The following ACOT12 variants were observed in gnomAD, a reference collection of about 807,000 sequenced individuals.
ACOT12 encodes the protein acyl-CoA thioesterase 12, also known as acetyl-coenzyme A thioesterase.
A neutral mutation model predicts 67.7 loss-of-function variants in ACOT12; 51 were observed. The ratio of observed to expected loss-of-function variants is 0.75; its 90% CI spans 0.60 to 0.95. The LOEUF is 0.95. Among genes scored for constraint, ACOT12 ranks in the 40% least tolerant of loss-of-function variants. The pLI is 0.00. For synonymous variants in ACOT12, 251 were observed against 244.6 expected (o/e 1.03, Z -0.24); for missense variants, 734 against 708.1 (o/e 1.04, Z -0.41).
intron 2 of ACOT12, among the ~76,000 whole-genome samples, chr5:81,379,710 T>G (rs1760524918): frequency 6.6e-6 from 1 of 152,160 alleles, no homozygotes; most frequent in Admixed American, 6.5e-5. Context: ...GGTAAATAAT[T>G]GCAATTCATA....
chr5:81,386,995 A>ATTTTTTTTTTTTTTTTTTTTTTTTT (rs869281800), intron 1 of ACOT12, among the ~76,000 whole-genome samples: 1 of 81,334 alleles, frequency 1.2e-5, no homozygotes, highest in South Asian at 3.5e-4. Flanking sequence ...GATGAGTTCC[A>ATTTTTTTTTTTTTTTTTTTTTTTTT]TTTTTTTTTT....
intron 2 of ACOT12, among the ~76,000 whole-genome samples, chr5:81,382,283 C>T (rs58066527): frequency 6.6e-6 from 1 of 152,108 alleles, no homozygotes; most frequent in African/African-American, 2.4e-5. Flanking sequence ...GTTGTGGTCT[C>T]TACTTCTCAT....
intron 8 of ACOT12, 31 bp downstream of exon 8, chr5:81,344,859 CG>C: frequency 6.2e-7 from 1 of 1,611,868 alleles, no homozygotes; most frequent in Non-Finnish European, 8.5e-7. Context: ...TTCACAGGTC[CG>C]GCTATTGAAC....
chr5:81,387,156 C>T (rs1019388186), intron 1 of ACOT12, among the ~76,000 whole-genome samples: 4 of 152,004 alleles, frequency 2.6e-5, no homozygotes, highest in Admixed American at 2.0e-4. Flanking sequence ...CAGGTGTGCA[C>T]CACCATGCCC....
downstream of ACOT12, among the ~76,000 whole-genome samples, chr5:81,329,166 A>G (rs1386447880): frequency 3.9e-5 from 6 of 152,176 alleles, no homozygotes; most frequent in Non-Finnish European, 8.8e-5. Flanking sequence ...ATTTCAAAAA[A>G]TGTAAACTCA....
intron 5 of ACOT12, among the ~76,000 whole-genome samples, chr5:81,359,609 C>T (rs1213642525): frequency 6.6e-6 from 1 of 152,162 alleles, no homozygotes; most frequent in African/African-American, 2.4e-5. Context: ...GTCATCAACC[C>T]TTCATTCAGC....
Position 81,376,894 on chromosome 5 carries a change from G to A in ACOT12, c.198-5084C>T, listed in dbSNP as rs149581843. Among the ~76,000 whole-genome samples the A allele has an allele frequency of 7.6e-3, 1,162 of 152,150 alleles. 15 individuals carry two copies. The highest frequency in any genetic ancestry group is 0.025 in the African/African-American group (1,043 of 41,518). ...TCCAGGCCCAGATGGATTCACAGCC[G>A]AATTATACCAGAGGTACAAAGAGGA... On this transcript the variant is annotated intron_variant, in intron 2 of 14. Transcript: ENST00000307624.
Position 81,330,283 on chromosome 5 carries a change from T to G in ACOT12, c.*111A>C. 1.6e-6 allele frequency: 2 copies of G among 1,258,486 alleles called. No individual in the cohort carries two copies. Among genetic ancestry groups the G allele is most frequent in the Non-Finnish European group, 2.1e-6 (2 of 930,452 alleles). 78.0% of individuals were successfully genotyped at this position (1,258,486 alleles called of 1,614,324 possible). On this transcript the variant is annotated 3_prime_UTR_variant, in exon 15 of 15. Coordinates refer to ENST00000307624, the MANE Select transcript of ACOT12 (RefSeq NM_130767.3). ...TTTTAACTCCGTCACTGCATTTTGC[T>G]TAGGGTTATATTAAATTATTTTGTG... is the stretch of plus-strand genomic sequence containing the variant.
intron 5 of ACOT12, among the ~76,000 whole-genome samples, chr5:81,359,317 T>C (rs76260246): frequency 0.018 from 2,797 of 152,236 alleles, 80 homozygotes; most frequent in African/African-American, 0.062. Context: ...GGCTCTGCCT[T>C]TCCCTACCAG....
chr5:81,336,085 T>C (rs1166400763), intron 11 of ACOT12, among the ~76,000 whole-genome samples, 184 bp from the exon 12 acceptor site: 1 of 152,176 alleles, frequency 6.6e-6, no homozygotes, highest in Non-Finnish European at 1.5e-5. Context: ...CTGTCCAGGA[T>C]GCTGTAGTCT....
chr5:81,333,557 T>G (rs1328606515), intron 12 of ACOT12, among the ~76,000 whole-genome samples: 3 of 152,224 alleles, frequency 2.0e-5, no homozygotes, highest in African/African-American at 7.2e-5. Context: ...CTCCCCAATT[T>G]GTTCAACTTC....
At position 81,363,484 on chromosome 5, in the gene ACOT12, C is replaced by A. The variant is rs10058788; in HGVS notation, c.360+304G>T. ...TGACCACAAATGAAAAGCACTAAACCAGTAGGCAGTATTTTAAAGAAACCA... is the reference window on the plus strand; with the variant it reads ...TGACCACAAATGAAAAGCACTAAACAAGTAGGCAGTATTTTAAAGAAACCA... On this transcript the variant is annotated intron_variant, in intron 4 of 14. Transcript: ENST00000307624. 2.3e-3 allele frequency among the ~76,000 whole-genome samples: 353 copies of A among 152,140 alleles called. 1 individual carries two copies. The highest frequency in any genetic ancestry group is 8.1e-3 in the African/African-American group (337 of 41,500).
At chr5:81,354,902 C>T in intron 5 of ACOT12, among the ~76,000 whole-genome samples, 1 of 152,046 alleles carries the variant, frequency 6.6e-6, no homozygotes, top group East Asian at 1.9e-4. Flanking sequence ...CAGGGTTTCA[C>T]CATGGTCTCG....
chr5:81,344,211 T>C lies in ACOT12; in HGVS notation c.929A>G (p.Asp310Gly). The C allele has an allele frequency of 1.2e-6, 2 of 1,612,816 alleles. No homozygotes were observed. The highest frequency in any genetic ancestry group is 1.7e-6 in the Non-Finnish European group (2 of 1,179,434). The part of the protein sequence containing the change: ...FPRIQPISKD[D>G]FRRYRGAIAR... ...AATAGCTCCCCGATAGCGTCTGAAA[T>C]CATCCTTTAATCAAAAACAAAGTAA... The change falls in exon 9 of 15, where the codon GAT becomes GGT. Residue 310 changes from aspartate (D) to glycine (G), a missense_variant. Transcript: ENST00000307624.
At chr5:81,355,293 TTTTG>T (rs1759678095) in intron 5 of ACOT12, among the ~76,000 whole-genome samples, 2 of 152,338 alleles carry the variant, frequency 1.3e-5, no homozygotes, top group South Asian at 2.1e-4. Flanking sequence ...ACAGTTCTCG[TTTTG>T]TTTATTATTT....
At chr5:81,359,224 CATT>C (rs1759823475) in intron 5 of ACOT12, among the ~76,000 whole-genome samples, 1 of 152,108 alleles carries the variant, frequency 6.6e-6, no homozygotes, top group African/African-American at 2.4e-5. Context: ...TCCCCTCCCT[CATT>C]GTGCTCTCCA....
chr5:81,360,053 G>A lies in ACOT12; in HGVS notation c.361-15C>T. ...TTTAAATGAATCTAGAGAAAGAAAA[G>A]CATTTATCTTTTATTGCCTTGTTAA... On this transcript the variant is annotated splice_polypyrimidine_tract_variant and intron_variant, in intron 4 of 14. Transcript: ENST00000307624. 1.3e-6 allele frequency: 2 copies of A among 1,589,640 alleles called. No individual in the cohort carries two copies. Among genetic ancestry groups the A allele is most frequent in the Non-Finnish European group, 1.7e-6 (2 of 1,173,468 alleles).
intron 5 of ACOT12, among the ~76,000 whole-genome samples, chr5:81,358,719 C>T (rs550919775): frequency 1.1e-3 from 169 of 152,162 alleles, no homozygotes; most frequent in African/African-American, 3.9e-3. Flanking sequence ...CGTGGTGGCA[C>T]GCGCCTATAA....
Position 81,344,887 on chromosome 5 carries a change from T to C in ACOT12, c.924+4A>G. On this transcript the variant is annotated splice_donor_region_variant and intron_variant, in intron 8 of 14. Coordinates refer to ENST00000307624, the MANE Select transcript of ACOT12 (RefSeq NM_130767.3). ...CTATTGAACCTCGTGTGATAATAAC[T>C]GACCTTTGAAATGGGTTGGATTCTG... The C allele has an allele frequency of 6.2e-7, 1 of 1,614,156 alleles. No individual in the cohort carries two copies. The highest frequency in any genetic ancestry group is 8.5e-7 in the Non-Finnish European group (1 of 1,179,998).
Sources: gnomAD v4.1 joint callset for allele counts (sites outside exome capture counted in the v4.1 genomes callset) on GRCh38, gnomAD v4.1.1 for gene constraint, MANE v1.5 for transcripts, NCBI Gene and HGNC (gene_info 2026-07-23, HGNC 2026-07-21) for gene names.